Variants in INPPL1 observed in about 807,000 individuals in gnomAD.
The protein encoded by INPPL1 is inositol polyphosphate phosphatase like 1.
A neutral mutation model predicts 139.3 loss-of-function variants in INPPL1; 91 were observed. The ratio of observed to expected loss-of-function variants is 0.65; its 90% CI spans 0.55 to 0.78. INPPL1 has a LOEUF of 0.78. INPPL1 is among the 30% of genes least tolerant of loss of function. The pLI is 0.00. For missense variants in INPPL1, 1,411 were observed against 1,665.6 expected (o/e 0.85, Z 2.66); for synonymous variants, 719 against 686.6 (o/e 1.05, Z -0.74).
At chr11:72,236,686 T>C (rs1298994344) in intron 25 of INPPL1, among the ~76,000 whole-genome samples, 1 of 152,164 alleles carries the variant, frequency 6.6e-6, no homozygotes, top group Non-Finnish European at 1.5e-5. Context: ...TCTTCAGCTG[T>C]TGTCAGTCAC....
Position 72,233,517 on chromosome 11 carries a change from C to T in INPPL1, c.2117C>T (p.Ser706Phe). ...SYPETHIICN[S>F]YGCTDDIVTS... The stretch of plus-strand genomic sequence containing the variant: ...CCTGAAACTCACATCATCTGCAATT[C>T]TTATGGTCAGAGCCTCCCGGACAGA... The change falls in exon 18 of 28, where the codon TCT (serine) becomes TTT (phenylalanine). Residue 706 changes from serine (S) to phenylalanine (F), a missense_variant. Coordinates refer to ENST00000298229, the MANE Select transcript of INPPL1 (RefSeq NM_001567.4). 2.5e-6 allele frequency: 4 copies of T among 1,614,004 alleles called. No individual in the cohort carries two copies. Among genetic ancestry groups the T allele is most frequent in the Non-Finnish European group, 3.4e-6 (4 of 1,179,876 alleles).
chr11:72,225,276 C>T, intron 1 of INPPL1, 110 bp downstream of exon 1: 1 of 1,220,226 alleles, frequency 8.2e-7, no homozygotes, highest in Non-Finnish European at 1.0e-6. Flanking sequence ...ACGCCAGACC[C>T]GCCTCCACCC....
chr11:72,230,457 G>A lies in INPPL1; in HGVS notation c.1186G>A (p.Val396Ile), dbSNP rs1185662302. ...GACTCAGCGCAAGGACTTCATCTTT[G>A]TCAGTGCCCGGGTGAGCAGCAGGCT... ...DRTQRKDFIF[V>I]SARKREAFCQ... The change falls in exon 10 of 28, where the codon GTC (valine) becomes ATC (isoleucine). Residue 396 changes from valine to isoleucine, a missense_variant. Physicochemically the swap from Val to Ile is conservative, Grantham distance 29. Coordinates refer to ENST00000298229, the MANE Select transcript of INPPL1 (RefSeq NM_001567.4). 6.2e-7 allele frequency: 1 copy of A among 1,613,680 alleles called. No homozygotes were observed. Among genetic ancestry groups the A allele is most frequent in the African/African-American group, 1.3e-5 (1 of 74,932 alleles).
intron 16 of INPPL1, 42 bp from the exon 17 acceptor site, chr11:72,233,033 G>C (rs374782043): frequency 6.2e-7 from 1 of 1,609,636 alleles, no homozygotes; most frequent in South Asian, 1.1e-5. Context: ...GTATCCCTGG[G>C]TGTCAGGGCC....
chr11:72,233,596 G>A (rs1365311227), intron 18 of INPPL1, 59 bp from the exon 19 acceptor site: 7 of 1,606,480 alleles, frequency 4.4e-6, no homozygotes, highest in Non-Finnish European at 6.0e-6. Context: ...ACCTTGGGAG[G>A]TGGGAGCCGA....
Position 72,225,149 on chromosome 11 carries a change from C to G in INPPL1, c.165C>G (p.Ala55=). 1 of 1,230,900 alleles carries G rather than the reference C, an allele frequency of 8.1e-7. No individual in the cohort carries two copies. The highest frequency in any genetic ancestry group is 1.0e-6 in the Non-Finnish European group (1 of 987,152). The allele number at this position is 1,230,900 out of a possible 1,614,324, so 76.2% of individuals were successfully genotyped here. A position where few individuals can be genotyped will look rare whatever the true frequency, so the allele number is the denominator to read the frequency against. ...GAGACAGCGAGAGCGTGGCGGGGGC[C>G]TTCGCGCTCTGCGTCCTGTGAGTGG... is the stretch of plus-strand genomic sequence containing the variant. ...LVRDSESVAG[A]FALCVLYQKH... The change falls in exon 1 of 28, where the codon GCC becomes GCG. Residue 55 remains alanine, a synonymous_variant. Transcript: ENST00000298229.
rs767320977 is a variant in INPPL1 at position 72,237,385 on chromosome 11, A to C, written c.3141A>C (p.Thr1047=). Residue 1047 remains threonine (T), a synonymous_variant, in exon 26 of 28, where the codon ACA becomes ACC. Transcript: ENST00000298229. ...GSSSDEESGG[T]LPPPDFPPPP... is the part of the protein sequence containing the mutation. Reference sequence around the variant, plus strand: ...CTTCAGATGAGGAGTCTGGAGGCACACTGCCCCCTCCAGACTTTCCACCTC... The same window carrying C: ...CTTCAGATGAGGAGTCTGGAGGCACCCTGCCCCCTCCAGACTTTCCACCTC... 6 of 1,613,710 alleles carry C rather than the reference A, an allele frequency of 3.7e-6. No individual in the cohort carries two copies. Among genetic ancestry groups the C allele is most frequent in the Non-Finnish European group, 5.1e-6 (6 of 1,179,982 alleles).
intron 1 of INPPL1, among the ~76,000 whole-genome samples, chr11:72,226,521 G>A (rs558282670): frequency 6.6e-6 from 1 of 152,234 alleles, no homozygotes; most frequent in East Asian, 1.9e-4. Context: ...TGGTGCTATT[G>A]ACATCTAGTG....
chr11:72,225,184 T>C lies in INPPL1; in HGVS notation c.182+18T>C. On this transcript the variant is annotated intron_variant, in intron 1 of 27. Coordinates refer to ENST00000298229, the MANE Select transcript of INPPL1 (RefSeq NM_001567.4). ...TGCGTCCTGTGAGTGGGGCGGGGGC[T>C]CCTTGCGGGCTGGCGTGGACCGGGA... 2.1e-6 allele frequency: 2 copies of C among 947,960 alleles called. No homozygotes were observed. The highest frequency in any genetic ancestry group is 1.6e-5 in the African/African-American group (1 of 61,618). The allele number at this position is 947,960 out of a possible 1,614,324, so 58.7% of individuals were successfully genotyped here. A position where few individuals can be genotyped will look rare whatever the true frequency, so the allele number is the denominator to read the frequency against.
intron 27 of INPPL1, 37 bp from the exon 28 acceptor site, chr11:72,238,226 T>C (rs758637491): frequency 1.2e-6 from 2 of 1,613,518 alleles, no homozygotes; most frequent in Admixed American, 3.3e-5. Flanking sequence ...CAGGATCCCC[T>C]TGCCCATCTC....
intron 1 of INPPL1, among the ~76,000 whole-genome samples, chr11:72,225,943 C>T (rs1235876274): frequency 6.6e-6 from 1 of 152,170 alleles, no homozygotes; most frequent in Non-Finnish European, 1.5e-5. Flanking sequence ...TTGCAGCCTT[C>T]TAGCGGCTTT....
intron 12 of INPPL1, 116 bp downstream of exon 12, chr11:72,231,305 C>T: frequency 9.3e-7 from 1 of 1,076,738 alleles, no homozygotes; most frequent in Non-Finnish European, 1.4e-6. Context: ...TCTCTGGTCC[C>T]TGAGCATATC....
Position 72,235,105 on chromosome 11 carries a change from C to T in INPPL1, c.2416-11C>T. 4 of 1,612,672 alleles carry T rather than the reference C, an allele frequency of 2.5e-6. No homozygotes were observed. The highest frequency in any genetic ancestry group is 3.4e-6 in the Non-Finnish European group (4 of 1,179,106). On this transcript the variant is annotated splice_polypyrimidine_tract_variant and intron_variant, in intron 21 of 27. Coordinates refer to ENST00000298229, the MANE Select transcript of INPPL1 (RefSeq NM_001567.4). This position sits in a 1 kb window ranked among gnomAD's most constrained non-coding sequence, Gnocchi z 4.9. ...GGGCTTTGTTCCTCACTGGGCCTCC[C>T]TGCTTCCCAGCTCAAACCAATTCTG...
Position 72,238,514 on chromosome 11 carries a change from CATTTGCAATGCCCTA to C in INPPL1, c.*165_*179del. 1.8e-6 allele frequency: 1 copy of C among 566,064 alleles called. No individual in the cohort carries two copies. Among genetic ancestry groups the C allele is most frequent in the Non-Finnish European group, 2.9e-6 (1 of 339,012 alleles). The allele number at this position is 566,064 out of a possible 1,614,324, so 35.1% of individuals were successfully genotyped here. A position where few individuals can be genotyped will look rare whatever the true frequency, so the allele number is the denominator to read the frequency against. On this transcript the variant is annotated 3_prime_UTR_variant, in exon 28 of 28. Coordinates refer to ENST00000298229, the MANE Select transcript of INPPL1 (RefSeq NM_001567.4). Reference sequence around the variant, plus strand: ...GGATCTGCATTCCCCGCTGCCCAATCATTTGCAATGCCCTAATTAGGGCATCCTGCCCCTCGCCTT... The same window carrying C: ...GGATCTGCATTCCCCGCTGCCCAATCATTAGGGCATCCTGCCCCTCGCCTT...
rs1184781977 is a variant in INPPL1, at chr11:72,228,188, A to G, written c.183-2A>G. ...CAGATTCTGGCCCTGCCTTGGCATCAGGTATCAGAAGCATGTGCACACGTA... is the reference window on the plus strand; with the variant it reads ...CAGATTCTGGCCCTGCCTTGGCATCGGGTATCAGAAGCATGTGCACACGTA... On this transcript the variant is annotated splice_acceptor_variant, in intron 1 of 27. Coordinates refer to ENST00000298229, the MANE Select transcript of INPPL1 (RefSeq NM_001567.4). LOFTEE classifies it high-confidence loss of function. This position sits in a 1 kb window ranked among gnomAD's most constrained non-coding sequence, Gnocchi z 5.0. 1 of 1,614,084 alleles carries G rather than the reference A, an allele frequency of 6.2e-7. No individual in the cohort carries two copies. Among genetic ancestry groups the G allele is most frequent in the Non-Finnish European group, 8.5e-7 (1 of 1,179,962 alleles).
chr11:72,231,674 T>G, intron 13 of INPPL1, 59 bp downstream of exon 13: 1 of 1,233,300 alleles, frequency 8.1e-7, no homozygotes, highest in African/African-American at 1.5e-5. Context: ...TGGCTTCTGC[T>G]TCCTCTCAAG....
In INPPL1 at chr11:72,234,149, T is replaced by G; in HGVS notation, c.2213-132T>G. The G allele has an allele frequency of 1.5e-6, 1 of 681,262 alleles. No homozygotes were observed. Among genetic ancestry groups the G allele is most frequent in the Non-Finnish European group, 2.6e-6 (1 of 385,142 alleles). 42.2% of individuals were successfully genotyped at this position (681,262 alleles called of 1,614,324 possible). On this transcript the variant is annotated intron_variant, in intron 19 of 27. Transcript: ENST00000298229. This position sits in a 1 kb window ranked among gnomAD's most constrained non-coding sequence, Gnocchi z 4.2. ...AGATTCCCTGTTGGTGGCTTGGGAC[T>G]GGGGAGGCCCCTCCTGGCCCTGCCT...
chr11:72,225,396 G>T lies in INPPL1; in HGVS notation c.182+230G>T, dbSNP rs549960240. 59 of 985,464 alleles carry T rather than the reference G, an allele frequency of 6.0e-5. No individual in the cohort carries two copies. In the South Asian group the frequency reaches 2.5e-3, roughly 42 times the overall value. 61.0% of individuals were successfully genotyped at this position (985,464 alleles called of 1,614,324 possible). ...GAGCCTTGAGGGTAGAGAATATGGG[G>T]TTCTGTGGCCCAGTGTGACTGTGAT... is the stretch of plus-strand genomic sequence containing the variant. On this transcript the variant is annotated intron_variant, in intron 1 of 27. Coordinates refer to ENST00000298229, the MANE Select transcript of INPPL1 (RefSeq NM_001567.4).
intron 14 of INPPL1, 65 bp downstream of exon 14, chr11:72,232,401 T>C: frequency 7.0e-7 from 1 of 1,421,222 alleles, no homozygotes; most frequent in Non-Finnish European, 9.7e-7. Flanking sequence ...CTGTTCCCGC[T>C]CCCATACCCT....
Sources: gnomAD v4.1 joint callset for allele counts (sites outside exome capture counted in the v4.1 genomes callset) on GRCh38, gnomAD v4.1.1 for gene constraint, Gnocchi (gnomAD v3.1) non-coding constraint, MANE v1.5 for transcripts, NCBI Gene and HGNC (gene_info 2026-07-23, HGNC 2026-07-21) for gene names.